The following ACSL1 variants were observed in gnomAD, a reference collection of about 807,000 sequenced individuals.
ACSL1 encodes acyl-CoA synthetase long chain family member 1.
In ACSL1, 41 loss-of-function variants were observed where a neutral mutation model predicts 98.4. The observed-to-expected ratio is 0.42, with a 90% CI of 0.32 to 0.54. The LOEUF is 0.54. Ranked by LOEUF, ACSL1 falls within the 20% of genes least tolerant of loss-of-function variation. The pLI is 0.13. For missense variants in ACSL1, 734 were observed against 883.1 expected (o/e 0.83, Z 2.14); for synonymous variants, 316 against 322.7 (o/e 0.98, Z 0.22).
At chr4:184,811,306 G>A (rs1384768592) in intron 1 of ACSL1, among the ~76,000 whole-genome samples, 2 of 151,934 alleles carry the variant, frequency 1.3e-5, no homozygotes, top group African/African-American at 2.4e-5. Flanking sequence ...TAGAGACGGG[G>A]TTTCACCGTG....
chr4:184,761,610 C>T (rs1294352431), intron 17 of ACSL1, among the ~76,000 whole-genome samples: 1 of 152,246 alleles, frequency 6.6e-6, no homozygotes, highest in East Asian at 1.9e-4. Context: ...TCAAGGAGTT[C>T]GCCTAATCTG....
intron 1 of ACSL1, chr4:184,808,254 C>T: frequency 1.1e-6 from 1 of 939,652 alleles, no homozygotes. Flanking sequence ...CACACACACA[C>T]ACACACTGCC....
chr4:184,814,895 G>C, intron 1 of ACSL1: 1 of 382,010 alleles, frequency 2.6e-6, no homozygotes, highest in Non-Finnish European at 5.3e-6. Flanking sequence ...TTTGAAAAAG[G>C]AGTCACACCA....
At chr4:184,774,266 G>A (rs968631642) in intron 7 of ACSL1, among the ~76,000 whole-genome samples, 15 of 152,116 alleles carry the variant, frequency 9.9e-5, no homozygotes, top group Admixed American at 3.3e-4. Flanking sequence ...CAGATACTTC[G>A]TAGGTTCCTC....
intron 1 of ACSL1, among the ~76,000 whole-genome samples, chr4:184,809,834 T>A (rs1003969956): frequency 1.3e-5 from 2 of 152,098 alleles, no homozygotes; most frequent in African/African-American, 4.8e-5. Flanking sequence ...AAACCACATT[T>A]CATTAATATG....
In ACSL1 at chr4:184,773,832, G is replaced by T; in HGVS notation, c.789+11C>A. 6.2e-7 allele frequency: 1 copy of T among 1,613,860 alleles called. No homozygotes were observed. Among genetic ancestry groups the T allele is most frequent in the East Asian group, 2.2e-5 (1 of 44,878 alleles). On this transcript the variant is annotated intron_variant, in intron 8 of 20. Transcript: ENST00000281455. This position sits in a 1 kb window ranked among gnomAD's most constrained non-coding sequence, Gnocchi z 4.3. Reference sequence around the variant, plus strand: ...AAGAGGACAGAGCAGGGTCTGACACGGTGTGCTTACCTTGGGCTTCCGTCT... The same window carrying T: ...AAGAGGACAGAGCAGGGTCTGACACTGTGTGCTTACCTTGGGCTTCCGTCT...
Position 184,760,517 on chromosome 4 carries a change from A to AGG in ACSL1, c.1639-19_1639-18dup, listed in dbSNP as rs1477389434. On this transcript the variant is annotated splice_polypyrimidine_tract_variant and intron_variant, in intron 17 of 20. Coordinates refer to ENST00000281455, the MANE Select transcript of ACSL1 (RefSeq NM_001995.5). The stretch of plus-strand genomic sequence containing the variant: ...GGTGCCATTCTGTTGATCAGAGGGG[A>AGG]GGGGGTTATGAATGGGCTGATGGCT... 1.9e-6 allele frequency: 3 copies of AGG among 1,613,556 alleles called. No individual in the cohort carries two copies. Among genetic ancestry groups the AGG allele is most frequent in the Middle Eastern group, 1.7e-4 (1 of 6,058 alleles).
chr4:184,775,470 TA>T (rs1197287357), intron 7 of ACSL1, among the ~76,000 whole-genome samples: 2 of 151,742 alleles, frequency 1.3e-5, no homozygotes, highest in Non-Finnish European at 2.9e-5. Context: ...GGGTTAAAAG[TA>T]AAAAAACAGA....
chr4:184,785,600 C>CCGGGGGGGG (rs1392500206), intron 3 of ACSL1, among the ~76,000 whole-genome samples: 5 of 19,188 alleles, frequency 2.6e-4, no homozygotes, highest in Admixed American at 1.3e-3. Flanking sequence ...TCCTCCTGGG[C>CCGGGGGGGG]GGGGGCGGGG....
chr4:184,798,008 AT>A (rs1439199944), intron 2 of ACSL1, among the ~76,000 whole-genome samples: 1 of 152,188 alleles, frequency 6.6e-6, no homozygotes, highest in Non-Finnish European at 1.5e-5. Flanking sequence ...GGATGTACAA[AT>A]TTCAATCTCT....
At chr4:184,819,140 CTT>C (rs10538881) in intron 1 of ACSL1, among the ~76,000 whole-genome samples, 66 of 129,770 alleles carry the variant, frequency 5.1e-4, no homozygotes, top group African/African-American at 1.1e-3. Context: ...TTTAGATGTA[CTT>C]TTTTTTTTTT....
intron 1 of ACSL1, among the ~76,000 whole-genome samples, chr4:184,811,916 T>C (rs1772152631): frequency 2.0e-5 from 3 of 152,094 alleles, no homozygotes; most frequent in South Asian, 4.1e-4. Flanking sequence ...AGCCTGAGAA[T>C]GAATGGCAAA....
intron 11 of ACSL1, among the ~76,000 whole-genome samples, chr4:184,769,285 A>T (rs6816777): frequency 0.034 from 5,211 of 152,240 alleles, 299 homozygotes; most frequent in African/African-American, 0.12. Context: ...TTCAGCTAGA[A>T]TACACTGCAT....
chr4:184,787,632 G>A (rs764679812), intron 3 of ACSL1, among the ~76,000 whole-genome samples: 13 of 152,154 alleles, frequency 8.5e-5, no homozygotes, highest in Non-Finnish European at 1.9e-4. Context: ...GGGAGGCCGA[G>A]GTGGGTGGAT....
chr4:184,810,870 C>T (rs961164793), intron 1 of ACSL1, among the ~76,000 whole-genome samples: 4 of 152,154 alleles, frequency 2.6e-5, no homozygotes, highest in Non-Finnish European at 4.4e-5. Flanking sequence ...AATGCGTCCT[C>T]GTCACAGTCC....
chr4:184,807,526 T>C (rs1378887988), intron 1 of ACSL1, among the ~76,000 whole-genome samples: 1 of 152,112 alleles, frequency 6.6e-6, no homozygotes, highest in Non-Finnish European at 1.5e-5. Context: ...AAGGTAACAA[T>C]GGCCAAGGAA....
intron 1 of ACSL1, among the ~76,000 whole-genome samples, chr4:184,810,467 CAT>C (rs1453737040): frequency 6.6e-6 from 1 of 152,106 alleles, no homozygotes; most frequent in African/African-American, 2.4e-5. Context: ...AAAGACATAA[CAT>C]AAATGTATAC....
chr4:184,790,929 C>T (rs931156150), intron 2 of ACSL1, among the ~76,000 whole-genome samples: 13 of 151,998 alleles, frequency 8.6e-5, no homozygotes, highest in African/African-American at 2.4e-4. Flanking sequence ...CCAAACACAC[C>T]GAAGGCACCA....
At chr4:184,823,544 G>C (rs1429651569) in intron 1 of ACSL1, among the ~76,000 whole-genome samples, 2 of 152,194 alleles carry the variant, frequency 1.3e-5, no homozygotes, top group Non-Finnish European at 2.9e-5. Flanking sequence ...AACTGGAAGG[G>C]AGAGAGGAGA....
Sources: allele counts gnomAD v4.1 joint callset (sites outside exome capture counted in the v4.1 genomes callset), GRCh38; gene constraint gnomAD v4.1.1; non-coding constraint Gnocchi (gnomAD v3.1); transcripts MANE v1.5; gene names NCBI Gene and HGNC (gene_info 2026-07-23, HGNC 2026-07-21).